CFAP54: variants seen among roughly 807,000 people sequenced by gnomAD.
The protein encoded by CFAP54 is cilia- and flagella-associated protein 54.
CFAP54 carries 290 observed loss-of-function variants against 370.4 expected under a neutral mutation model. That is an observed-to-expected ratio of 0.78 (90% CI 0.71 to 0.86). The LOEUF (loss-of-function observed/expected upper bound fraction) is 0.86, where lower values mean the gene tolerates loss of function less well. Among genes scored for constraint, CFAP54 ranks in the 40% least tolerant of loss-of-function variants. The pLI is 0.00. For synonymous variants in CFAP54, 1,206 were observed against 1,236.5 expected, an observed-to-expected ratio of 0.98 and a Z score of 0.52; for missense variants, 3,399 against 3,528.7, an observed-to-expected ratio of 0.96 and a Z score of 0.93.
chr12:96,750,813 A>G (rs1257212179), intron 55 of CFAP54, among the ~76,000 whole-genome samples: 17 of 152,208 alleles, frequency 1.1e-4, no homozygotes, highest in Admixed American at 9.2e-4. Flanking sequence ...GGTGTATTAT[A>G]TTAAACACAG....
rs12228107 is a variant in CFAP54, at chr12:96,533,765, T to C, written c.1358-27T>C. On this transcript the variant is annotated intron_variant, in intron 9 of 67. Coordinates refer to ENST00000524981, the MANE Select transcript of CFAP54 (RefSeq NM_001306084.2). ...TAAATATTTATTTGCATGAGTGATA[T>C]TCAAAACTCTCTTCTTCCTTTCCTA... is the stretch of plus-strand genomic sequence containing the variant. 465 of 1,464,862 alleles carry C rather than the reference T, an allele frequency of 3.2e-4. 2 individuals carry two copies. The East Asian group carries it at 9.4e-3, about 30-fold the overall frequency. 90.7% of individuals were successfully genotyped at this position (1,464,862 alleles called of 1,614,324 possible).
At chr12:96,715,320 A>T (rs1023501417) in intron 48 of CFAP54, among the ~76,000 whole-genome samples, 1 of 152,152 alleles carries the variant, frequency 6.6e-6, no homozygotes, top group African/African-American at 2.4e-5. Flanking sequence ...AGGGGTGCCG[A>T]TGTCAACAGA....
intron 35 of CFAP54, among the ~76,000 whole-genome samples, chr12:96,650,883 A>G: frequency 6.6e-6 from 1 of 152,184 alleles, no homozygotes; most frequent in East Asian, 1.9e-4. Flanking sequence ...AGCACCTTGC[A>G]GAACTCAGCT....
At position 96,870,675 on chromosome 12, in the gene CFAP54, T is replaced by G. The variant is rs373997945; in HGVS notation, c.*15-4443T>G. 2.1e-4 allele frequency among the ~76,000 whole-genome samples: 32 copies of G among 152,312 alleles called. No individual in the cohort carries two copies. The South Asian group carries it at 5.4e-3, about 26-fold the overall frequency. On this transcript the variant is annotated intron_variant, in intron 67 of 67. Coordinates refer to ENST00000524981, the MANE Select transcript of CFAP54 (RefSeq NM_001306084.2). ...GGATCAGAGGTTATTTATTGTTTTG[T>G]TTTGGTTTGGTTTGGTTTTTTTATG...
At chr12:96,496,636 T>C (rs551620901) in intron 1 of CFAP54, among the ~76,000 whole-genome samples, 1 of 152,242 alleles carries the variant, frequency 6.6e-6, no homozygotes, top group South Asian at 2.1e-4. Context: ...ATTGCTTCCT[T>C]AGAGGCTCTG....
At chr12:96,718,568 T>A (rs1565952620) in intron 49 of CFAP54, 46 bp downstream of exon 49, 1 of 1,218,124 alleles carries the variant, frequency 8.2e-7, no homozygotes. Context: ...TTACCAAAAA[T>A]CCACTATTAG....
At chr12:96,757,423 AT>A (rs1159392094) in intron 57 of CFAP54, 71 bp from the exon 58 acceptor site, 1 of 815,262 alleles carries the variant, frequency 1.2e-6, no homozygotes, top group Non-Finnish European at 1.9e-6. Flanking sequence ...CAGCTCAGAA[AT>A]TGTTGGCAAA....
At chr12:96,720,361 G>T in intron 49 of CFAP54, 44 bp from the exon 50 acceptor site, 1 of 1,323,068 alleles carries the variant, frequency 7.6e-7, no homozygotes, top group South Asian at 2.5e-5. Context: ...GACAGTATTT[G>T]TATTATTTCT....
At chr12:96,816,386 T>A (rs1398544093) in intron 64 of CFAP54, among the ~76,000 whole-genome samples, 1 of 152,120 alleles carries the variant, frequency 6.6e-6, no homozygotes, top group Non-Finnish European at 1.5e-5. Flanking sequence ...GTGTATAGGA[T>A]GACCCATTTT....
At chr12:96,623,912 T>C (rs1956526344) in intron 28 of CFAP54, 31 bp downstream of exon 28, 1 of 1,345,736 alleles carries the variant, frequency 7.4e-7, no homozygotes, top group Admixed American at 2.1e-5. Context: ...TACTTCCATT[T>C]AGCATTAAGT....
At chr12:96,743,352 A>G in intron 52 of CFAP54, 50 bp from the exon 53 acceptor site, 1 of 1,590,100 alleles carries the variant, frequency 6.3e-7, no homozygotes, top group African/African-American at 1.3e-5. Context: ...CACATGTATA[A>G]CTTCTGACTT....
chr12:96,797,889 T>C (rs1359531399), intron 63 of CFAP54, among the ~76,000 whole-genome samples: 1 of 152,078 alleles, frequency 6.6e-6, no homozygotes, highest in Non-Finnish European at 1.5e-5. Context: ...CTTTTGCTTG[T>C]CCTGGATTTT....
intron 26 of CFAP54, among the ~76,000 whole-genome samples, chr12:96,605,284 C>G (rs756436798): frequency 6.6e-6 from 1 of 152,130 alleles, no homozygotes; most frequent in Admixed American, 6.5e-5. Context: ...CTTAACCCAG[C>G]CATTGAGACA....
chr12:96,718,624 G>C, intron 49 of CFAP54, 102 bp downstream of exon 49: 1 of 665,436 alleles, frequency 1.5e-6, no homozygotes, highest in African/African-American at 1.9e-5. Flanking sequence ...TCTTGTGAGA[G>C]CAGTTACCTT....
intron 55 of CFAP54, among the ~76,000 whole-genome samples, chr12:96,746,380 A>G (rs1264221039): frequency 1.3e-5 from 2 of 151,492 alleles, no homozygotes; most frequent in African/African-American, 4.9e-5. Context: ...TTCACCCCTC[A>G]CCCCACTTCA....
At chr12:96,850,339 T>TA (rs35537464) in intron 66 of CFAP54, among the ~76,000 whole-genome samples, 83,439 of 147,638 alleles carry the variant, frequency 0.57, 23,840 homozygotes, top group African/African-American at 0.68. Flanking sequence ...GACTCTGTCT[T>TA]AAAAAAAAAA....
At chr12:96,634,392 C>A (rs1040599321) in intron 32 of CFAP54, among the ~76,000 whole-genome samples, 3 of 152,018 alleles carry the variant, frequency 2.0e-5, no homozygotes, top group African/African-American at 7.2e-5. Context: ...TCTGTATATC[C>A]TCTTTAGTGA....
chr12:96,568,213 T>G (rs1955880951), intron 19 of CFAP54, among the ~76,000 whole-genome samples: 1 of 151,846 alleles, frequency 6.6e-6, no homozygotes, highest in Admixed American at 6.6e-5. Context: ...TCTTCTCAGC[T>G]CTTTTTTTGT....
intron 66 of CFAP54, among the ~76,000 whole-genome samples, chr12:96,833,507 CGTGTGTGTGTGTGT>C (rs34316003): frequency 1.6e-4 from 23 of 144,052 alleles, no homozygotes; most frequent in African/African-American, 4.3e-4. Context: ...CACACGCGTA[CGTGTGTGTGTGTGT>C]GTGTGTGTGT....
Sources: gnomAD v4.1 joint callset for allele counts (sites outside exome capture counted in the v4.1 genomes callset) on GRCh38, gnomAD v4.1.1 for gene constraint, MANE v1.5 for transcripts, NCBI Gene and HGNC (gene_info 2026-07-23, HGNC 2026-07-21) for gene names.